The following CSTPP1 variants were observed in gnomAD, a reference collection of about 807,000 sequenced individuals.
CSTPP1 encodes centriolar satellite-associated tubulin polyglutamylase complex regulator 1.
chr11:47,035,057 A>C, the CSTPP1 span, among the ~76,000 whole-genome samples: 1 of 152,214 alleles, frequency 6.6e-6, no homozygotes, highest in South Asian at 2.1e-4. Flanking sequence ...GCACTCCTAT[A>C]AAAGCTGTGT....
the CSTPP1 span, among the ~76,000 whole-genome samples, chr11:47,004,967 G>A: frequency 6.6e-6 from 1 of 152,156 alleles, no homozygotes; most frequent in African/African-American, 2.4e-5. Context: ...TTCCAGGCAG[G>A]GAGAGTATAT....
the CSTPP1 span, among the ~76,000 whole-genome samples, chr11:46,958,381 C>G: frequency 1.3e-5 from 2 of 152,162 alleles, no homozygotes; most frequent in East Asian, 3.8e-4. Context: ...AAAATATGTG[C>G]TAATTGACTG....
the CSTPP1 span, among the ~76,000 whole-genome samples, chr11:46,994,833 A>G: frequency 6.2e-4 from 94 of 152,204 alleles, no homozygotes; most frequent in Non-Finnish European, 1.1e-3. Flanking sequence ...ATTGATTGGA[A>G]TAGTTTCAGA....
At chr11:46,955,565 G>A in the CSTPP1 span, among the ~76,000 whole-genome samples, 33 of 150,372 alleles carry the variant, frequency 2.2e-4, no homozygotes, top group South Asian at 1.1e-3. Flanking sequence ...GGGTTTCACC[G>A]TGTTGGCCAG....
the CSTPP1 span, among the ~76,000 whole-genome samples, chr11:47,084,448 A>G: frequency 6.6e-6 from 1 of 152,164 alleles, no homozygotes; most frequent in African/African-American, 2.4e-5. Flanking sequence ...TCCAGTCTAA[A>G]AAATCTTTGC....
the CSTPP1 span, among the ~76,000 whole-genome samples, chr11:47,021,882 G>T: frequency 6.6e-6 from 1 of 151,652 alleles, no homozygotes; most frequent in Non-Finnish European, 1.5e-5. Context: ...GAGATCCCCT[G>T]CCAGAGAATT....
At chr11:46,948,179 C>A in the CSTPP1 span, 1 of 456,202 alleles carries the variant, frequency 2.2e-6, no homozygotes, top group Non-Finnish European at 4.4e-6. Context: ...GTAGGCAACA[C>A]ACAAAGAAGT....
chr11:47,117,924 G>T, the CSTPP1 span, among the ~76,000 whole-genome samples: 1 of 141,398 alleles, frequency 7.1e-6, no homozygotes, highest in African/African-American at 2.6e-5. Flanking sequence ...GTGTCGCCCA[G>T]GCTAGAGTGC....
chr11:47,039,818 GAAAGAGCGAGACTCCGTCTC>G, the CSTPP1 span, among the ~76,000 whole-genome samples: 3 of 128,482 alleles, frequency 2.3e-5, no homozygotes, highest in Admixed American at 8.2e-5. Context: ...CGTCCTGGGC[GAAAGAGCGAGACTCCGTCTC>G]AAAAAAACAA....
the CSTPP1 span, among the ~76,000 whole-genome samples, chr11:46,990,443 C>G: frequency 6.6e-6 from 1 of 152,142 alleles, no homozygotes; most frequent in African/African-American, 2.4e-5. Context: ...TATATATCTT[C>G]TTTTGAGAAA....
chr11:47,070,763 C>G, the CSTPP1 span, among the ~76,000 whole-genome samples: 1 of 152,150 alleles, frequency 6.6e-6, no homozygotes, highest in Non-Finnish European at 1.5e-5. Context: ...TTCTCTGAAG[C>G]ACAGCCCTGG....
At chr11:47,161,540 C>A in the CSTPP1 span, 2 of 1,614,156 alleles carry the variant, frequency 1.2e-6, no homozygotes, top group South Asian at 1.1e-5. Context: ...CCGGACCCCT[C>A]CCCGGGTTGG....
At chr11:46,936,800 C>A in the CSTPP1 span, 3 of 1,610,510 alleles carry the variant, frequency 1.9e-6, no homozygotes, top group Non-Finnish European at 2.5e-6. Context: ...CCACCCCGGT[C>A]AAAGGATGCT....
At chr11:47,162,028 C>T in the CSTPP1 span, 1 of 1,007,026 alleles carries the variant, frequency 9.9e-7, no homozygotes, top group Non-Finnish European at 1.2e-6. Context: ...ACCCGAATAG[C>T]CACGCAGGGC....
the CSTPP1 span, among the ~76,000 whole-genome samples, chr11:47,133,014 T>C: frequency 6.6e-6 from 1 of 152,196 alleles, no homozygotes; most frequent in African/African-American, 2.4e-5. Flanking sequence ...CATTAACTCA[T>C]AACAACTCTG....
At chr11:47,128,182 G>A in the CSTPP1 span, among the ~76,000 whole-genome samples, 2 of 151,188 alleles carry the variant, frequency 1.3e-5, no homozygotes, top group South Asian at 4.2e-4. Context: ...GCCTTAGCCT[G>A]TACTCTTAAC....
chr11:47,022,868 C>A, the CSTPP1 span, among the ~76,000 whole-genome samples: 1 of 152,160 alleles, frequency 6.6e-6, no homozygotes, highest in Non-Finnish European at 1.5e-5. Context: ...CCTTTGGCAA[C>A]CTTATGTAAT....
the CSTPP1 span, among the ~76,000 whole-genome samples, chr11:47,150,392 G>A: frequency 5.3e-5 from 8 of 152,270 alleles, 1 homozygote; most frequent in Admixed American, 4.6e-4. Flanking sequence ...TTCAACAGAC[G>A]TTGACTGAGT....
the CSTPP1 span, among the ~76,000 whole-genome samples, chr11:46,993,921 C>G: frequency 6.6e-6 from 1 of 152,092 alleles, no homozygotes; most frequent in African/African-American, 2.4e-5. Flanking sequence ...ATGGAATGTT[C>G]TTCCTTTTGT....
Sources: allele counts gnomAD v4.1 joint callset (sites outside exome capture counted in the v4.1 genomes callset), GRCh38; gene constraint gnomAD v4.1.1; transcripts MANE v1.5; gene names NCBI Gene and HGNC (gene_info 2026-07-23, HGNC 2026-07-21).